PKHD1: variants seen among roughly 807,000 people sequenced by gnomAD.
The protein encoded by PKHD1 is PKHD1 ciliary IPT domain containing fibrocystin/polyductin, also known as fibrocystin.
Under a neutral mutation model 412.0 loss-of-function variants are expected in PKHD1, and 291 were observed. The ratio of observed to expected loss-of-function variants is 0.71; its 90% CI spans 0.64 to 0.78. The LOEUF is 0.78. Ranked by LOEUF, PKHD1 falls within the 30% of genes least tolerant of loss-of-function variation. PKHD1 has a pLI of 0.00. For missense variants in PKHD1, 4,825 were observed against 4,950.7 expected (o/e 0.97, Z 0.76); for synonymous variants, 1,777 against 1,821.5 (o/e 0.98, Z 0.62).
Position 51,637,965 on chromosome 6 carries a change from T to C in PKHD1, c.11506+884A>G, listed in dbSNP as rs187085064. Among the ~76,000 whole-genome samples, 48 of 152,296 alleles carry C rather than the reference T, an allele frequency of 3.2e-4. No individual in the cohort carries two copies. In the East Asian group the frequency reaches 3.9e-3, roughly 12 times the overall value. ...GGAAAAATGATTATGATTACAGATCTTACCAGTGTCATACTGGAACATTTT... is the reference window on the plus strand; with the variant it reads ...GGAAAAATGATTATGATTACAGATCCTACCAGTGTCATACTGGAACATTTT... On this transcript the variant is annotated intron_variant, in intron 64 of 66. Coordinates refer to ENST00000371117, the MANE Select transcript of PKHD1 (RefSeq NM_138694.4).
At chr6:52,039,813 T>C (rs1387829453) in intron 27 of PKHD1, among the ~76,000 whole-genome samples, 2 of 152,188 alleles carry the variant, frequency 1.3e-5, no homozygotes, top group Non-Finnish European at 2.9e-5. Context: ...CAAATATTCA[T>C]AGCAGCCTTA....
At chr6:51,828,571 C>G (rs1767717744) in intron 52 of PKHD1, among the ~76,000 whole-genome samples, 1 of 152,054 alleles carries the variant, frequency 6.6e-6, no homozygotes, top group Non-Finnish European at 1.5e-5. Flanking sequence ...TCAATGCTGT[C>G]AAACACAAAG....
intron 60 of PKHD1, among the ~76,000 whole-genome samples, chr6:51,735,791 A>G (rs532375851): frequency 6.6e-6 from 1 of 152,036 alleles, no homozygotes; most frequent in South Asian, 2.1e-4. Context: ...AAAACTAGCC[A>G]GGTGTGGTGA....
At chr6:51,926,219 G>A (rs936146680) in intron 37 of PKHD1, among the ~76,000 whole-genome samples, 1 of 152,122 alleles carries the variant, frequency 6.6e-6, no homozygotes, top group Non-Finnish European at 1.5e-5. Flanking sequence ...TCACAGGACT[G>A]CCATTTCTGC....
chr6:51,925,455 A>ATGTGTGTG, intron 37 of PKHD1, among the ~76,000 whole-genome samples: 1 of 144,998 alleles, frequency 6.9e-6, no homozygotes, highest in Non-Finnish European at 1.5e-5. Flanking sequence ...GTGTGTGTGT[A>ATGTGTGTG]TGTGTGTGTG....
intron 37 of PKHD1, among the ~76,000 whole-genome samples, chr6:51,914,940 C>A (rs1412922851): frequency 2.0e-5 from 3 of 152,104 alleles, no homozygotes; most frequent in African/African-American, 7.2e-5. Context: ...CTTCCTCCTA[C>A]AAACCTTGTA....
intron 60 of PKHD1, among the ~76,000 whole-genome samples, chr6:51,707,121 C>T (rs1161267946): frequency 6.6e-6 from 1 of 152,038 alleles, no homozygotes; most frequent in Non-Finnish European, 1.5e-5. Context: ...TCATTGCTAC[C>T]ATGACAGCCT....
intron 60 of PKHD1, among the ~76,000 whole-genome samples, chr6:51,701,510 T>C (rs1779399385): frequency 1.3e-5 from 2 of 152,128 alleles, no homozygotes; most frequent in Admixed American, 6.6e-5. Context: ...TTACATTGCA[T>C]TTTTAGCATT....
chr6:51,633,376 A>G (rs1027632533), intron 64 of PKHD1, among the ~76,000 whole-genome samples: 2 of 152,190 alleles, frequency 1.3e-5, no homozygotes, highest in African/African-American at 4.8e-5. Context: ...AAAATAATCT[A>G]AAAAAGAAAG....
chr6:52,053,629 A>G lies in PKHD1; in HGVS notation c.1965-378T>C, dbSNP rs556023873. ...TCATTTAGGTTTAAGACCATTTACA[A>G]GACCCATGAGAATTATGTGGAAAGC... On this transcript the variant is annotated intron_variant, in intron 20 of 66. Coordinates refer to ENST00000371117, the MANE Select transcript of PKHD1 (RefSeq NM_138694.4). Among the ~76,000 whole-genome samples the G allele has an allele frequency of 7.9e-5, 12 of 152,348 alleles. 1 individual carries two copies. In the South Asian group the frequency reaches 2.1e-3, roughly 26 times the overall value.
At position 51,659,612 on chromosome 6, in the gene PKHD1, C is replaced by T. The variant is rs200244173; in HGVS notation, c.10514G>A (p.Ser3505Asn). Residue 3505 changes from serine (S) to asparagine (N), a missense_variant, in exon 61 of 67, where the codon AGC becomes AAC. Transcript: ENST00000371117. ...LLAVFYHELQ[S>N]PHVFLGESFI... ...ACTTTCCCCTAAGAAGACGTGGGGGCTCTGGAGCTCATGGTAGAATACAGC... is the reference window on the plus strand; with the variant it reads ...ACTTTCCCCTAAGAAGACGTGGGGGTTCTGGAGCTCATGGTAGAATACAGC... 3.2e-5 allele frequency: 51 copies of T among 1,613,656 alleles called. No homozygotes were observed. In the Middle Eastern group the frequency reaches 8.3e-4, roughly 26 times the overall value.
intron 60 of PKHD1, among the ~76,000 whole-genome samples, chr6:51,740,734 A>C (rs1364196390): frequency 6.6e-6 from 1 of 152,206 alleles, no homozygotes; most frequent in Admixed American, 6.5e-5. Flanking sequence ...TGCATTAAGG[A>C]AGAAGGGATT....
At chr6:51,840,673 A>G (rs1298322390) in intron 50 of PKHD1, among the ~76,000 whole-genome samples, 1 of 152,190 alleles carries the variant, frequency 6.6e-6, no homozygotes, top group Non-Finnish European at 1.5e-5. Flanking sequence ...AAAAACACAA[A>G]TGTAAGGAAC....
chr6:51,650,001 T>C (rs924828080), intron 61 of PKHD1, among the ~76,000 whole-genome samples: 1 of 152,208 alleles, frequency 6.6e-6, no homozygotes, highest in African/African-American at 2.4e-5. Context: ...ATGTGGTAGG[T>C]ACTCTTATTT....
intron 60 of PKHD1, among the ~76,000 whole-genome samples, chr6:51,719,816 T>G (rs1405022715): frequency 6.6e-6 from 1 of 152,224 alleles, no homozygotes; most frequent in Non-Finnish European, 1.5e-5. Flanking sequence ...TGGCAGCTCT[T>G]CAAAAACAGG....
chr6:51,748,414 T>C lies in PKHD1; in HGVS notation c.9202A>G (p.Met3068Val). The C allele has an allele frequency of 6.2e-7, 1 of 1,614,038 alleles. No homozygotes were observed. Among genetic ancestry groups the C allele is most frequent in the Non-Finnish European group, 8.5e-7 (1 of 1,179,968 alleles). The change falls in exon 58 of 67, where the codon ATG becomes GTG. Residue 3068 changes from methionine to valine, a missense_variant. Transcript: ENST00000371117. ...ATGGTGGACCACGCTGGCTGTGTCA[T>C]CAGAACCACAAGGTTATTAGTGACA... ...YTVTNNLVVL[M>V]TQPAWSTIWV... is the part of the protein sequence containing the mutation.
chr6:51,732,742 T>C (rs1251557644), intron 60 of PKHD1, among the ~76,000 whole-genome samples: 2 of 152,168 alleles, frequency 1.3e-5, no homozygotes, highest in East Asian at 3.8e-4. Flanking sequence ...CCACAAAAGG[T>C]TGAAAATAGA....
At chr6:51,956,526 C>T (rs1791171387) in intron 36 of PKHD1, among the ~76,000 whole-genome samples, 1 of 152,018 alleles carries the variant, frequency 6.6e-6, no homozygotes, top group Non-Finnish European at 1.5e-5. Flanking sequence ...GAAGAGACAA[C>T]AGTAAATAAA....
intron 36 of PKHD1, among the ~76,000 whole-genome samples, chr6:51,939,214 C>T (rs373760142): frequency 9.3e-5 from 14 of 150,836 alleles, no homozygotes; most frequent in Admixed American, 3.3e-4. Flanking sequence ...TTCTGGGGGG[C>T]AAGAACCCCC....
Sources: allele counts gnomAD v4.1 joint callset (sites outside exome capture counted in the v4.1 genomes callset), GRCh38; gene constraint gnomAD v4.1.1; transcripts MANE v1.5; gene names NCBI Gene and HGNC (gene_info 2026-07-23, HGNC 2026-07-21).